Variants in SMAGP observed in about 807,000 individuals in gnomAD.
The protein encoded by SMAGP is small cell adhesion glycoprotein.
Under a neutral mutation model 10.1 loss-of-function variants are expected in SMAGP, and 7 were observed. The ratio of observed to expected loss-of-function variants is 0.70; its 90% CI spans 0.40 to 1.31. The LOEUF (loss-of-function observed/expected upper bound fraction) is 1.31. Among genes scored for constraint, SMAGP ranks in the 50% most tolerant of loss-of-function variants. The probability of loss-of-function intolerance (pLI) is 0.01; values close to 1 mark genes in which losing one functional copy is unlikely to be tolerated. For synonymous variants in SMAGP, 49 were observed against 47.2 expected, an observed-to-expected ratio of 1.04 and a Z score of -0.16; for missense variants, 113 against 116.5, an observed-to-expected ratio of 0.97 and a Z score of 0.14.
chr12:51,249,093 A>AAACAAT (rs1944812292), intron 2 of SMAGP, among the ~76,000 whole-genome samples: 1 of 151,840 alleles, frequency 6.6e-6, no homozygotes. Context: ...ACAAAAACAA[A>AAACAAT]AACAAAACCC....
At chr12:51,253,549 T>G (rs1268490834) in intron 2 of SMAGP, 1 of 151,280 alleles carries the variant, frequency 6.6e-6, no homozygotes, top group Non-Finnish European at 1.5e-5. Context: ...GATAAATGGA[T>G]AAACAAAATG....
chr12:51,258,999 A>C lies in SMAGP; in HGVS notation c.34+10246T>G, dbSNP rs544095391. 3.6e-3 allele frequency among the ~76,000 whole-genome samples: 533 copies of C among 148,298 alleles called. 4 individuals are homozygous for C. The highest frequency in any genetic ancestry group is 0.012 in the African/African-American group (481 of 39,032). On this transcript the variant is annotated intron_variant, in intron 2 of 3. Transcript: ENST00000603798. The stretch of plus-strand genomic sequence containing the variant: ...CTGTCTCTACCAAAAAAAAAAAAAA[A>C]AAAAAAAAAAAACCTGATAGTTGAA...
intron 2 of SMAGP, among the ~76,000 whole-genome samples, chr12:51,267,375 C>T (rs76217812): frequency 3.3e-5 from 5 of 152,146 alleles, no homozygotes; most frequent in East Asian, 1.9e-4. Flanking sequence ...ATACCTGCTG[C>T]GCCCCTTTGC....
At chr12:51,250,879 C>A (rs927276790) in intron 2 of SMAGP, among the ~76,000 whole-genome samples, 1 of 152,138 alleles carries the variant, frequency 6.6e-6, no homozygotes, top group African/African-American at 2.4e-5. Flanking sequence ...TTATACAACA[C>A]TGTGACTCCC....
At chr12:51,265,972 C>T (rs1944970580) in intron 2 of SMAGP, among the ~76,000 whole-genome samples, 1 of 152,072 alleles carries the variant, frequency 6.6e-6, no homozygotes, top group Non-Finnish European at 1.5e-5. Flanking sequence ...GTCCCAGCTA[C>T]TCGGGAAGCT....
Position 51,261,952 on chromosome 12 carries a change from A to C in SMAGP, c.34+7293T>G, listed in dbSNP as rs1944936026. On this transcript the variant is annotated intron_variant, in intron 2 of 3. Transcript: ENST00000603798. Reference sequence around the variant, plus strand: ...TTGTTTAAAAAAAAAAAAAAAAGTAAATTGGCAGAGTGCAGTGGCTTACAC... The same window carrying C: ...TTGTTTAAAAAAAAAAAAAAAAGTACATTGGCAGAGTGCAGTGGCTTACAC... Among the ~76,000 whole-genome samples the C allele has an allele frequency of 2.0e-5, 3 of 149,260 alleles. No individual in the cohort carries two copies. The South Asian group carries it at 6.3e-4, about 32-fold the overall frequency.
intron 2 of SMAGP, among the ~76,000 whole-genome samples, chr12:51,251,060 T>G (rs1194042030): frequency 6.6e-6 from 1 of 152,190 alleles, no homozygotes; most frequent in Non-Finnish European, 1.5e-5. Context: ...GAATTTAGGA[T>G]GTACAAAGCA....
chr12:51,249,926 G>A (rs1231726441), intron 2 of SMAGP, among the ~76,000 whole-genome samples: 1 of 151,838 alleles, frequency 6.6e-6, no homozygotes, highest in African/African-American at 2.4e-5. Context: ...CTATACATAT[G>A]GATTCATTCA....
chr12:51,253,411 G>T (rs374445647), intron 2 of SMAGP, among the ~76,000 whole-genome samples: 1 of 152,060 alleles, frequency 6.6e-6, no homozygotes, highest in Non-Finnish European at 1.5e-5. Flanking sequence ...GTATGATCCC[G>T]CAATCCCACT....
intron 2 of SMAGP, among the ~76,000 whole-genome samples, chr12:51,261,615 G>A (rs574816885): frequency 7.2e-5 from 11 of 152,132 alleles, no homozygotes; most frequent in Non-Finnish European, 1.5e-4. Context: ...GTAGCATCTT[G>A]GAGAGAGAAT....
At chr12:51,269,106 C>A (rs1945003202) in intron 2 of SMAGP, 139 bp downstream of exon 2, 1 of 853,916 alleles carries the variant, frequency 1.2e-6, no homozygotes, top group South Asian at 1.5e-5. Flanking sequence ...GTTCCTGCTT[C>A]CTCCCAGGCC....
rs539618436 is a variant in SMAGP at position 51,246,674 on chromosome 12, G to A, written c.115+77C>T. 23 of 970,566 alleles carry A rather than the reference G, an allele frequency of 2.4e-5. No individual in the cohort carries two copies. The East Asian group carries it at 5.9e-4, about 25-fold the overall frequency. 60.1% of individuals were successfully genotyped at this position (970,566 alleles called of 1,614,324 possible). A position where few individuals can be genotyped will look rare whatever the true frequency, so the allele number is the denominator to read the frequency against. On this transcript the variant is annotated intron_variant, in intron 3 of 3. Coordinates refer to ENST00000603798, the MANE Select transcript of SMAGP (RefSeq NM_001031628.2). ...TACAAGCCAGAGTGAGCCCATTAAT[G>A]GATTTGGTCAGGCTCCCTCTGGAGA...
At chr12:51,252,683 G>GCACCCCC (rs1944849890) in intron 2 of SMAGP, among the ~76,000 whole-genome samples, 1 of 149,752 alleles carries the variant, frequency 6.7e-6, no homozygotes, top group African/African-American at 2.5e-5. Context: ...GAGCCACATC[G>GCACCCCC]CCCCCCGAAG....
intron 2 of SMAGP, among the ~76,000 whole-genome samples, chr12:51,266,301 C>T (rs1184155737): frequency 1.3e-5 from 2 of 152,248 alleles, no homozygotes; most frequent in Non-Finnish European, 1.5e-5. Flanking sequence ...GTGAATCATC[C>T]TTTTGTGTCC....
chr12:51,267,510 T>C (rs1251417175), intron 2 of SMAGP, among the ~76,000 whole-genome samples: 3 of 148,198 alleles, frequency 2.0e-5, no homozygotes, highest in Non-Finnish European at 3.0e-5. Context: ...TTTTTTTTTT[T>C]TAAGACAGGG....
At chr12:51,252,175 CCT>C (rs776340141) in intron 2 of SMAGP, among the ~76,000 whole-genome samples, 4 of 151,250 alleles carry the variant, frequency 2.6e-5, no homozygotes, top group Non-Finnish European at 5.9e-5. Flanking sequence ...CTCACTGCAA[CCT>C]CTGTCTCCCA....
chr12:51,265,849 G>A (rs1247987755), intron 2 of SMAGP, among the ~76,000 whole-genome samples: 2 of 152,290 alleles, frequency 1.3e-5, no homozygotes, highest in East Asian at 3.9e-4. Context: ...TTGGGAGGCC[G>A]AGGTGGGCGG....
intron 2 of SMAGP, among the ~76,000 whole-genome samples, chr12:51,248,399 T>TACACACACACAC (rs71443213): frequency 1.9e-4 from 25 of 132,374 alleles, no homozygotes; most frequent in African/African-American, 6.8e-4. Flanking sequence ...TGTGGTGTTT[T>TACACACACACAC]ACACACACAC....
intron 2 of SMAGP, among the ~76,000 whole-genome samples, chr12:51,248,434 A>ACACACACACACACTCTCACTCTCT (rs1188710796): frequency 1.7e-4 from 13 of 77,564 alleles, no homozygotes; most frequent in African/African-American, 6.6e-4. Flanking sequence ...ACACACACAC[A>ACACACACACACACTCTCACTCTCT]CTCTCTCTCT....
Sources: allele counts gnomAD v4.1 joint callset (sites outside exome capture counted in the v4.1 genomes callset), GRCh38; gene constraint gnomAD v4.1.1; transcripts MANE v1.5; gene names NCBI Gene and HGNC (gene_info 2026-07-23, HGNC 2026-07-21).